INPP5A: variants seen among roughly 807,000 people sequenced by gnomAD.
INPP5A encodes 43 kDa inositol polyphosphate 5-phophatase.
In INPP5A, 14 loss-of-function variants were observed where a neutral mutation model predicts 65.2. The observed-to-expected ratio is 0.21, with a 90% CI of 0.14 to 0.34. The LOEUF (loss-of-function observed/expected upper bound fraction) is 0.34, where lower values mean the gene tolerates loss of function less well. INPP5A is among the 10% of genes least tolerant of loss of function. The pLI, the probability that INPP5A is intolerant of heterozygous loss-of-function variation, is 1.00. For synonymous variants in INPP5A, 207 were observed against 208.3 expected (o/e 0.99, Z 0.05); for missense variants, 431 against 545.6 (o/e 0.79, Z 2.09).
chr10:132,749,115 C>T (rs1846423643), intron 9 of INPP5A, among the ~76,000 whole-genome samples: 1 of 152,272 alleles, frequency 6.6e-6, no homozygotes, highest in Admixed American at 6.5e-5. Context: ...AGTCGAACAG[C>T]TCTCGAGGGA....
Position 132,749,693 on chromosome 10 carries a change from G to A in INPP5A, c.829-78G>A, listed in dbSNP as rs1366346969. On this transcript the variant is annotated intron_variant, in intron 10 of 15. Transcript: ENST00000368594. ...AGCTTCCTTCAGAGCCGCCCTGCCTGCCCGGTTCGGTGGGGGCTAGGGGAC... is the reference window on the plus strand; with the variant it reads ...AGCTTCCTTCAGAGCCGCCCTGCCTACCCGGTTCGGTGGGGGCTAGGGGAC... 1.9e-6 allele frequency: 3 copies of A among 1,597,388 alleles called. No individual in the cohort carries two copies. The African/African-American group carries it at 4.0e-5, about 21-fold the overall frequency.
rs61862839 is a variant in INPP5A, at chr10:132,761,269, G to A, written c.904-4504G>A. On this transcript the variant is annotated intron_variant, in intron 11 of 15. Transcript: ENST00000368594. ...TCATTGAGGCAGTAACTTGATGTGA[G>A]AAAGAAAGCAAATGCCTAGATTGTC... Among the ~76,000 whole-genome samples, 1,294 of 152,320 alleles carry A rather than the reference G, an allele frequency of 8.5e-3. 11 individuals are homozygous for A. Among genetic ancestry groups the A allele is most frequent in the Non-Finnish European group, 0.012 (842 of 68,032 alleles).
In INPP5A at chr10:132,551,686, C is replaced by T. The variant is rs891812899; in HGVS notation, c.75+13515C>T. Reference sequence around the variant, plus strand: ...CTGCTGCAGTGGGCAGTGTGTGCGTCGTACACAGGTGGAAGGTGGAGGCCT... The same window carrying T: ...CTGCTGCAGTGGGCAGTGTGTGCGTTGTACACAGGTGGAAGGTGGAGGCCT... On this transcript the variant is annotated intron_variant, in intron 1 of 15. Transcript: ENST00000368594. This position sits in a 1 kb window ranked among gnomAD's most constrained non-coding sequence, Gnocchi z 5.3. 2.6e-5 allele frequency among the ~76,000 whole-genome samples: 4 copies of T among 152,136 alleles called. No individual in the cohort carries two copies. Among genetic ancestry groups the T allele is most frequent in the African/African-American group, 4.8e-5 (2 of 41,412 alleles).
In INPP5A at chr10:132,549,531, G is replaced by A. The variant is rs1351514437; in HGVS notation, c.75+11360G>A. The stretch of plus-strand genomic sequence containing the variant: ...CAGCTGGATGACAGACGGTGTTGGC[G>A]GGCTGCCCTCTGCCCACCCCTCCAG... On this transcript the variant is annotated intron_variant, in intron 1 of 15. Coordinates refer to ENST00000368594, the MANE Select transcript of INPP5A (RefSeq NM_005539.5). The surrounding 1 kb of genome is among the most constrained non-coding windows in gnomAD (Gnocchi z 4.9). 6.6e-6 allele frequency among the ~76,000 whole-genome samples: 1 copy of A among 152,266 alleles called. No individual in the cohort carries two copies. The highest frequency in any genetic ancestry group is 2.4e-5 in the African/African-American group (1 of 41,474).
Position 132,675,596 on chromosome 10 carries a change from G to C in INPP5A, c.307-14796G>C, listed in dbSNP as rs1006114901. Among the ~76,000 whole-genome samples the C allele has an allele frequency of 6.6e-6, 1 of 151,784 alleles. No homozygotes were observed. The highest frequency in any genetic ancestry group is 1.5e-5 in the Non-Finnish European group (1 of 67,994). On this transcript the variant is annotated intron_variant, in intron 4 of 15. Coordinates refer to ENST00000368594, the MANE Select transcript of INPP5A (RefSeq NM_005539.5). This position sits in a 1 kb window ranked among gnomAD's most constrained non-coding sequence, Gnocchi z 4.2. Reference sequence around the variant, plus strand: ...GGCCTTGCCGTGCCCGGGAGAGTGAGGGTAACGGACATTCCCACGGGGATA... The same window carrying C: ...GGCCTTGCCGTGCCCGGGAGAGTGACGGTAACGGACATTCCCACGGGGATA...
At chr10:132,617,331 C>T (rs770199944) in intron 2 of INPP5A, among the ~76,000 whole-genome samples, 8 of 152,194 alleles carry the variant, frequency 5.3e-5, no homozygotes, top group Non-Finnish European at 1.2e-4. Context: ...TCTCTCAGGG[C>T]CCTTCTGCCT....
intron 1 of INPP5A, among the ~76,000 whole-genome samples, chr10:132,570,097 G>GC (rs1207647249): frequency 6.8e-6 from 1 of 146,738 alleles, no homozygotes; most frequent in East Asian, 2.0e-4. Context: ...ACCGCGCTGG[G>GC]CCCCCACTGT....
intron 2 of INPP5A, among the ~76,000 whole-genome samples, chr10:132,617,710 G>T (rs1016212305): frequency 6.6e-6 from 1 of 152,222 alleles, no homozygotes; most frequent in Admixed American, 6.5e-5. Context: ...CGTGTGTGGA[G>T]CAACTGCCTG....
At chr10:132,711,141 A>G in intron 8 of INPP5A, among the ~76,000 whole-genome samples, 1 of 152,164 alleles carries the variant, frequency 6.6e-6, no homozygotes, top group East Asian at 1.9e-4. Context: ...TGGGAGGTGA[A>G]TAGGACACTG....
intron 1 of INPP5A, among the ~76,000 whole-genome samples, chr10:132,572,152 G>C (rs561997006): frequency 1.3e-5 from 2 of 152,362 alleles, no homozygotes; most frequent in East Asian, 3.9e-4. Context: ...AGCCTGGCCG[G>C]AAACCCACAG....
chr10:132,684,563 T>C (rs867429402), intron 4 of INPP5A, among the ~76,000 whole-genome samples: 1 of 152,230 alleles, frequency 6.6e-6, no homozygotes, highest in Non-Finnish European at 1.5e-5. Flanking sequence ...GGATGTGGTG[T>C]GTCCCTGTGG....
rs2133291669 is a variant in INPP5A at position 132,575,758 on chromosome 10, C to T, written c.76-32157C>T. ...TTCCCTGTGTCCCTCTGGCCGTGGG[C>T]TCCCGCGTGGTGTGTGCGGCCCAGG... On this transcript the variant is annotated intron_variant, in intron 1 of 15. Coordinates refer to ENST00000368594, the MANE Select transcript of INPP5A (RefSeq NM_005539.5). The surrounding 1 kb of genome is among the most constrained non-coding windows in gnomAD (Gnocchi z 5.4). Among the ~76,000 whole-genome samples the T allele has an allele frequency of 6.6e-6, 1 of 152,308 alleles. No homozygotes were observed.
intron 2 of INPP5A, among the ~76,000 whole-genome samples, chr10:132,628,535 G>A (rs2072225047): frequency 6.6e-6 from 1 of 151,706 alleles, no homozygotes; most frequent in Non-Finnish European, 1.5e-5. Flanking sequence ...TTCCGGATGG[G>A]GAAGGCTTTT....
At chr10:132,728,994 T>C (rs1435366259) in intron 9 of INPP5A, among the ~76,000 whole-genome samples, 1 of 145,184 alleles carries the variant, frequency 6.9e-6, no homozygotes, top group Admixed American at 6.7e-5. Context: ...CCGTGGGGCT[T>C]GTGTGGCCGC....
intron 9 of INPP5A, among the ~76,000 whole-genome samples, chr10:132,736,900 C>T (rs1235232500): frequency 2.0e-5 from 3 of 152,234 alleles, no homozygotes; most frequent in East Asian, 1.9e-4. Flanking sequence ...ATCTGGTTAC[C>T]GGCTGCCTTG....
intron 2 of INPP5A, among the ~76,000 whole-genome samples, chr10:132,642,973 T>C (rs533484330): frequency 6.6e-6 from 1 of 152,328 alleles, no homozygotes; most frequent in African/African-American, 2.4e-5. Context: ...AAAGCAGGTG[T>C]TGCCAGGTCG....
rs571396408 is a variant in INPP5A, at chr10:132,542,269, G to A, written c.75+4098G>A. Among the ~76,000 whole-genome samples the A allele has an allele frequency of 2.0e-5, 3 of 152,326 alleles. No individual in the cohort carries two copies. The South Asian group carries it at 6.2e-4, about 32-fold the overall frequency. ...AGCCCTGTCCCTCTGCCCAGACCCG[G>A]GTTTGCAGAACGGCTGTGAGAGTGG... On this transcript the variant is annotated intron_variant, in intron 1 of 15. Transcript: ENST00000368594.
intron 5 of INPP5A, among the ~76,000 whole-genome samples, chr10:132,691,310 A>T (rs576489506): frequency 5.6e-4 from 85 of 152,298 alleles, no homozygotes; most frequent in Middle Eastern, 3.4e-3. Flanking sequence ...AAATTATAGC[A>T]TCCAAGCCCT....
At chr10:132,585,911 G>A (rs1216570368) in intron 1 of INPP5A, among the ~76,000 whole-genome samples, 1 of 152,204 alleles carries the variant, frequency 6.6e-6, no homozygotes, top group Non-Finnish European at 1.5e-5. Flanking sequence ...CTCTGTCCAA[G>A]CGTGGATCCC....
Sources: allele counts gnomAD v4.1 joint callset (sites outside exome capture counted in the v4.1 genomes callset), GRCh38; gene constraint gnomAD v4.1.1; non-coding constraint Gnocchi (gnomAD v3.1); transcripts MANE v1.5; gene names NCBI Gene and HGNC (gene_info 2026-07-23, HGNC 2026-07-21).